Variants in NELL1 observed in about 807,000 individuals in gnomAD.
NELL1 encodes neural EGFL like 1, also known as protein kinase C-binding protein NELL1.
Under a neutral mutation model 107.4 loss-of-function variants are expected in NELL1, and 76 were observed. The ratio of observed to expected loss-of-function variants is 0.71; its 90% CI spans 0.59 to 0.86. The LOEUF (loss-of-function observed/expected upper bound fraction) is 0.86, where lower values mean the gene tolerates loss of function less well. Ranked by LOEUF, NELL1 falls within the 40% of genes least tolerant of loss-of-function variation. The probability of loss-of-function intolerance (pLI) is 0.00; values close to 1 mark genes in which losing one functional copy is unlikely to be tolerated. For synonymous variants in NELL1, 353 were observed against 341.2 expected, an observed-to-expected ratio of 1.03 and a Z score of -0.38; for missense variants, 1,024 against 1,005.5, an observed-to-expected ratio of 1.02 and a Z score of -0.25.
chr11:21,289,616 G>T (rs952908706), intron 14 of NELL1, among the ~76,000 whole-genome samples: 3 of 152,108 alleles, frequency 2.0e-5, no homozygotes, highest in South Asian at 2.1e-4. Flanking sequence ...AACTGAAGGA[G>T]TTTTTTTTCA....
intron 3 of NELL1, among the ~76,000 whole-genome samples, chr11:20,841,707 G>A (rs2134050272): frequency 6.6e-6 from 1 of 152,236 alleles, no homozygotes; most frequent in East Asian, 1.9e-4. Context: ...TGGCAGTGAA[G>A]TTGCTCTGGT....
intron 12 of NELL1, among the ~76,000 whole-genome samples, chr11:21,034,224 C>T (rs1460636935): frequency 1.3e-5 from 2 of 152,030 alleles, no homozygotes; most frequent in East Asian, 3.9e-4. Flanking sequence ...ATTCTTCTGC[C>T]CATGGCTTCC....
chr11:21,317,584 G>A (rs188661916), intron 14 of NELL1, among the ~76,000 whole-genome samples: 157 of 151,964 alleles, frequency 1.0e-3, no homozygotes, highest in African/African-American at 3.4e-3. Context: ...TGTTCCTCAG[G>A]ACAGCGCAGA....
At chr11:21,287,595 T>C (rs1267343827) in intron 14 of NELL1, among the ~76,000 whole-genome samples, 2 of 152,148 alleles carry the variant, frequency 1.3e-5, no homozygotes, top group Non-Finnish European at 2.9e-5. Context: ...TAACAGAATT[T>C]ATTGTTAAAG....
At chr11:21,381,173 C>T (rs1247669141) in intron 15 of NELL1, among the ~76,000 whole-genome samples, 1 of 151,920 alleles carries the variant, frequency 6.6e-6, no homozygotes, top group East Asian at 1.9e-4. Flanking sequence ...ACAGATTATA[C>T]AGGAGGTAAA....
intron 3 of NELL1, among the ~76,000 whole-genome samples, chr11:20,787,447 T>C (rs1456867065): frequency 6.6e-6 from 1 of 152,240 alleles, no homozygotes; most frequent in East Asian, 1.9e-4. Flanking sequence ...TTACTTTTAT[T>C]ATTTACCAGG....
intron 16 of NELL1, among the ~76,000 whole-genome samples, chr11:21,552,576 T>A (rs1182974122): frequency 5.3e-5 from 8 of 151,834 alleles, no homozygotes; most frequent in Admixed American, 4.6e-4. Context: ...TCTCCTACTC[T>A]GTGCTTCCTT....
At chr11:21,059,956 G>A (rs997072918) in intron 12 of NELL1, among the ~76,000 whole-genome samples, 6 of 152,078 alleles carry the variant, frequency 3.9e-5, no homozygotes, top group African/African-American at 1.4e-4. Context: ...CAAGAAACTG[G>A]TCAAATTTAT....
intron 2 of NELL1, among the ~76,000 whole-genome samples, chr11:20,751,402 A>G (rs916865590): frequency 3.3e-5 from 5 of 152,046 alleles, no homozygotes; most frequent in African/African-American, 4.8e-5. Context: ...CATTCCATCA[A>G]TTTAGGTTTC....
At chr11:21,208,441 G>A (rs1857433882) in intron 13 of NELL1, among the ~76,000 whole-genome samples, 1 of 149,766 alleles carries the variant, frequency 6.7e-6, no homozygotes, top group Admixed American at 6.7e-5. Context: ...TATATAATAT[G>A]TCATATTTAA....
chr11:21,063,064 T>C (rs921404932), intron 12 of NELL1, among the ~76,000 whole-genome samples: 15 of 146,330 alleles, frequency 1.0e-4, no homozygotes, highest in South Asian at 2.2e-4. Context: ...GCCAGGCTGG[T>C]CTTGAACTCC....
intron 14 of NELL1, among the ~76,000 whole-genome samples, chr11:21,257,970 G>A (rs998581114): frequency 8.6e-5 from 13 of 151,998 alleles, no homozygotes; most frequent in Admixed American, 6.6e-4. Flanking sequence ...AAAAAGCAAC[G>A]TGGGGAAGAG....
chr11:20,999,886 T>A (rs1409716379), intron 12 of NELL1, among the ~76,000 whole-genome samples: 1 of 152,200 alleles, frequency 6.6e-6, no homozygotes, highest in African/African-American at 2.4e-5. Flanking sequence ...AAGTTTTAGC[T>A]CTAATCTGCC....
intron 13 of NELL1, among the ~76,000 whole-genome samples, chr11:21,119,045 C>T (rs1169814576): frequency 1.3e-5 from 2 of 151,898 alleles, no homozygotes; most frequent in East Asian, 1.9e-4. Flanking sequence ...AATGTCTGTG[C>T]CAAGGGGTTC....
chr11:20,817,065 A>G (rs530673518), intron 3 of NELL1, among the ~76,000 whole-genome samples: 9 of 152,182 alleles, frequency 5.9e-5, no homozygotes, highest in Middle Eastern at 6.8e-3. Flanking sequence ...GAATTTTTAC[A>G]TCTATGTTCA....
chr11:21,226,611 A>G (rs905510652), intron 13 of NELL1, among the ~76,000 whole-genome samples: 1 of 152,176 alleles, frequency 6.6e-6, no homozygotes, highest in African/African-American at 2.4e-5. Flanking sequence ...AACATTATGG[A>G]AGATATTAAT....
intron 14 of NELL1, among the ~76,000 whole-genome samples, chr11:21,275,851 C>T (rs1023035185): frequency 3.2e-4 from 48 of 152,162 alleles, no homozygotes; most frequent in East Asian, 1.9e-4. Context: ...AATTCAACAA[C>T]GCTTCATCCT....
chr11:20,785,019 T>G (rs1176200229), intron 3 of NELL1, among the ~76,000 whole-genome samples: 1 of 152,152 alleles, frequency 6.6e-6, no homozygotes, highest in Non-Finnish European at 1.5e-5. Flanking sequence ...AGGAAGACCA[T>G]ACAGAGAGAG....
intron 13 of NELL1, among the ~76,000 whole-genome samples, chr11:21,151,440 G>A (rs1856114848): frequency 6.6e-6 from 1 of 152,104 alleles, no homozygotes; most frequent in Admixed American, 6.6e-5. Context: ...AATGATGTGT[G>A]TATTTGTGTG....
Sources: gnomAD v4.1 joint callset for allele counts (sites outside exome capture counted in the v4.1 genomes callset) on GRCh38, gnomAD v4.1.1 for gene constraint, MANE v1.5 for transcripts, NCBI Gene and HGNC (gene_info 2026-07-23, HGNC 2026-07-21) for gene names.